TBR1: variants seen among roughly 807,000 people sequenced by gnomAD.
TBR1 encodes the protein T-box brain protein 1.
A neutral mutation model predicts 60.3 loss-of-function variants in TBR1; 7 were observed. That is an observed-to-expected ratio of 0.12 (90% CI 0.07 to 0.22). The LOEUF is 0.22. Among genes scored for constraint, TBR1 ranks in the 10% least tolerant of loss-of-function variants. TBR1 has a pLI of 1.00. For synonymous variants in TBR1, 417 were observed against 409.9 expected, an observed-to-expected ratio of 1.02 and a Z score of -0.21; for missense variants, 616 against 936.8, an observed-to-expected ratio of 0.66 and a Z score of 4.47.
rs1684267118 is a variant in TBR1, at chr2:161,423,481, C to G, written c.1303C>G (p.Gln435Glu). The change falls in exon 6 of 6, where the codon CAG (glutamine) becomes GAG (glutamate). Residue 435 changes from glutamine (Q) to glutamate (E), a missense_variant. By Grantham distance (29) the Gln-to-Glu change is conservative. Coordinates refer to ENST00000389554, the MANE Select transcript of TBR1 (RefSeq NM_006593.4). ...YAMAGSFLQD[Q>E]FVSNYAKARF... Reference sequence around the variant, plus strand: ...CATGGCCGGCTCTTTCCTGCAGGACCAGTTCGTGAGCAACTACGCCAAGGC... The same window carrying G: ...CATGGCCGGCTCTTTCCTGCAGGACGAGTTCGTGAGCAACTACGCCAAGGC... 6.2e-7 allele frequency: 1 copy of G among 1,606,934 alleles called. No homozygotes were observed. The highest frequency in any genetic ancestry group is 1.7e-5 in the Admixed American group (1 of 59,470).
intron 5 of TBR1, chr2:161,422,721 A>G (rs577163662): frequency 6.6e-6 from 1 of 152,364 alleles, no homozygotes; most frequent in African/African-American, 2.4e-5. Flanking sequence ...ACACAGGGGA[A>G]ACAATAGACA....
At chr2:161,423,343 T>G (rs780567397) in intron 5 of TBR1, 26 bp from the exon 6 acceptor site, 17 of 865,918 alleles carry the variant, frequency 2.0e-5, no homozygotes, top group East Asian at 9.4e-5. Flanking sequence ...CCCTCGGCTC[T>G]CTCTCTCTCT....
At chr2:161,423,314 CAAGGGACCTCCGCGCCA>C in intron 5 of TBR1, 38 bp from the exon 6 acceptor site, 1 of 1,175,014 alleles carries the variant, frequency 8.5e-7, no homozygotes, top group African/African-American at 1.6e-5. Context: ...ACCCCCACCC[CAAGGGACCTCCGCGCCA>C]CCCCTCGGCT....
chr2:161,419,149 C>T (rs1684184848), intron 4 of TBR1, 99 bp downstream of exon 4: 1 of 1,557,252 alleles, frequency 6.4e-7, no homozygotes, highest in Non-Finnish European at 8.7e-7. Context: ...ACTAGCAGCG[C>T]TAACATCAGC....
intron 5 of TBR1, chr2:161,421,871 G>A (rs995673545): frequency 1.3e-5 from 2 of 151,718 alleles, no homozygotes; most frequent in Non-Finnish European, 2.9e-5. Context: ...GCTGCCTTCT[G>A]TTGGAAAAGC....
rs1441557828 is a variant in TBR1 at position 161,424,692 on chromosome 2, G to A, written c.*465G>A. The A allele has an allele frequency of 1.3e-5, 2 of 156,190 alleles. No homozygotes were observed. The highest frequency in any genetic ancestry group is 4.8e-5 in the African/African-American group (2 of 41,514). 9.7% of individuals were successfully genotyped at this position (156,190 alleles called of 1,614,324 possible). On this transcript the variant is annotated 3_prime_UTR_variant, in exon 6 of 6. Coordinates refer to ENST00000389554, the MANE Select transcript of TBR1 (RefSeq NM_006593.4). The surrounding 1 kb of genome is among the most constrained non-coding windows in gnomAD (Gnocchi z 4.4). ...ACCCAGCGCGTCCTTTCTTATCCCCGAGTGGATGGATGGATGGATGGATGG... is the reference window on the plus strand; with the variant it reads ...ACCCAGCGCGTCCTTTCTTATCCCCAAGTGGATGGATGGATGGATGGATGG...
At chr2:161,418,067 T>C in intron 2 of TBR1, 134 bp from the exon 3 acceptor site, 1 of 1,467,938 alleles carries the variant, frequency 6.8e-7, no homozygotes, top group Non-Finnish European at 9.0e-7. Flanking sequence ...CCCCAGTTAA[T>C]GGGCTTCATG....
chr2:161,416,668 C>A lies in TBR1; in HGVS notation c.258C>A (p.Val86=). ...TCCAGAGAAGTAAACTCTCTCCTGT[C>A]TTGGACGGGGTCTCTGAGCTTCGTC... The part of the protein sequence containing the change: ...GDVQRSKLSP[V]LDGVSELRHS... Residue 86 remains valine (V), a synonymous_variant, in exon 1 of 6, where the codon GTC becomes GTA. Coordinates refer to ENST00000389554, the MANE Select transcript of TBR1 (RefSeq NM_006593.4). The surrounding 1 kb of genome is among the most constrained non-coding windows in gnomAD (Gnocchi z 6.1). 1 of 1,614,216 alleles carries A rather than the reference C, an allele frequency of 6.2e-7. No homozygotes were observed. Among genetic ancestry groups the A allele is most frequent in the African/African-American group, 1.3e-5 (1 of 75,058 alleles).
In TBR1 at chr2:161,418,953, A is replaced by C; in HGVS notation, c.1031A>C (p.Glu344Ala). The C allele has an allele frequency of 6.2e-7, 1 of 1,614,232 alleles. No homozygotes were observed. Among genetic ancestry groups the C allele is most frequent in the Non-Finnish European group, 8.5e-7 (1 of 1,180,036 alleles). ...QPRLHVVEVN[E>A]DGTEDTSQPG... The stretch of plus-strand genomic sequence containing the variant: ...CGCCTGCATGTGGTGGAAGTGAACG[A>C]GGACGGCACGGAGGACACTAGCCAG... The change falls in exon 4 of 6, where the codon GAG (glutamate) becomes GCG (alanine). Residue 344 changes from glutamate to alanine, a missense_variant. Coordinates refer to ENST00000389554, the MANE Select transcript of TBR1 (RefSeq NM_006593.4).
Position 161,420,219 on chromosome 2 carries a change from C to T in TBR1, c.1152C>T (p.His384=). 6.2e-7 allele frequency: 1 copy of T among 1,613,468 alleles called. No homozygotes were observed. Among genetic ancestry groups the T allele is most frequent in the African/African-American group, 1.3e-5 (1 of 75,000 alleles). ...NTDITQLKID[H]NPFAKGFRDN... is the part of the protein sequence containing the mutation. ...AGATTACACAACTGAAAATAGATCACAACCCTTTTGCAAAAGGATTTCGGG... is the reference window on the plus strand; with the variant it reads ...AGATTACACAACTGAAAATAGATCATAACCCTTTTGCAAAAGGATTTCGGG... The change falls in exon 5 of 6, where the codon CAC becomes CAT. Residue 384 remains histidine, a synonymous_variant. Transcript: ENST00000389554.
At chr2:161,421,376 C>G (rs567960574) in intron 5 of TBR1, 4 of 152,312 alleles carry the variant, frequency 2.6e-5, no homozygotes, top group South Asian at 4.1e-4. Flanking sequence ...CTGCCTATAA[C>G]CACCATATAT....
At position 161,425,474 on chromosome 2, in the gene TBR1, T is replaced by C. The variant is rs1684305154; in HGVS notation, c.*1247T>C. The C allele has an allele frequency of 6.6e-6, 1 of 152,220 alleles. No individual in the cohort carries two copies. The highest frequency in any genetic ancestry group is 1.5e-5 in the Non-Finnish European group (1 of 68,030). 9.4% of individuals were successfully genotyped at this position (152,220 alleles called of 1,614,324 possible). On this transcript the variant is annotated 3_prime_UTR_variant, in exon 6 of 6. Transcript: ENST00000389554. Reference sequence around the variant, plus strand: ...AAATTTGACTTCCTTGGGAGAACACTAGCATTAATGCAAGTAAGACTGATT... The same window carrying C: ...AAATTTGACTTCCTTGGGAGAACACCAGCATTAATGCAAGTAAGACTGATT...
chr2:161,423,335 C>T, intron 5 of TBR1, 34 bp from the exon 6 acceptor site: 1 of 1,360,466 alleles, frequency 7.4e-7, no homozygotes, highest in African/African-American at 1.5e-5. Context: ...CGCGCCACCC[C>T]TCGGCTCTCT....
chr2:161,418,725 CCCAG>C, intron 3 of TBR1, 163 bp from the exon 4 acceptor site: 4 of 968,956 alleles, frequency 4.1e-6, no homozygotes, highest in Non-Finnish European at 5.9e-6. Context: ...GCCGGTCTGC[CCCAG>C]CCAGCCAGCC....
intron 5 of TBR1, chr2:161,421,644 T>A (rs900582799): frequency 5.9e-5 from 9 of 152,254 alleles, no homozygotes; most frequent in Non-Finnish European, 1.3e-4. Context: ...TGGATAGGCA[T>A]CTAAACTGTA....
In TBR1 at chr2:161,424,293, C is replaced by T. The variant is rs757490749; in HGVS notation, c.*66C>T. The T allele has an allele frequency of 1.0e-3, 1,451 of 1,457,936 alleles. 4 individuals are homozygous for T. Among genetic ancestry groups the T allele is most frequent in the Non-Finnish European group, 1.3e-3 (1,364 of 1,088,074 alleles). The allele number at this position is 1,457,936 out of a possible 1,614,324, so 90.3% of individuals were successfully genotyped here. A position where few individuals can be genotyped will look rare whatever the true frequency, so the allele number is the denominator to read the frequency against. On this transcript the variant is annotated 3_prime_UTR_variant, in exon 6 of 6. Transcript: ENST00000389554. This position sits in a 1 kb window ranked among gnomAD's most constrained non-coding sequence, Gnocchi z 4.4. Reference sequence around the variant, plus strand: ...CAGCCAGCCCCTCACAGCTCTTCCCCAGCTCCGCCTCCCCACACTCCTCCT... The same window carrying T: ...CAGCCAGCCCCTCACAGCTCTTCCCTAGCTCCGCCTCCCCACACTCCTCCT...
At chr2:161,418,689 T>C in intron 3 of TBR1, 1 of 696,170 alleles carries the variant, frequency 1.4e-6, no homozygotes, top group South Asian at 2.1e-5. Flanking sequence ...GTGCCCCGGC[T>C]TATCTTCGCT....
Position 161,423,585 on chromosome 2 carries a change from G to A in TBR1, c.1407G>A (p.Ser469=), listed in dbSNP as rs746876268. ...TGCCGCACACCAACGGGCTGCTGTC[G>A]CCGCAGCAGGCCGAGGACCCGGGCG... The part of the protein sequence containing the change: ...RSVPHTNGLL[S]PQQAEDPGAP... Residue 469 remains serine, a synonymous_variant, in exon 6 of 6, where the codon TCG becomes TCA. Coordinates refer to ENST00000389554, the MANE Select transcript of TBR1 (RefSeq NM_006593.4). 2 of 1,537,612 alleles carry A rather than the reference G, an allele frequency of 1.3e-6. No homozygotes were observed. Among genetic ancestry groups the A allele is most frequent in the Admixed American group, 2.0e-5 (1 of 51,150 alleles).
At chr2:161,419,112 C>A (rs1684184177) in intron 4 of TBR1, 62 bp downstream of exon 4, 2 of 1,607,470 alleles carry the variant, frequency 1.2e-6, no homozygotes, top group African/African-American at 2.7e-5. Context: ...CACCCTCTCA[C>A]ATTCTCCCGC....
Sources: allele counts gnomAD v4.1 joint callset, GRCh38; gene constraint gnomAD v4.1.1; non-coding constraint Gnocchi (gnomAD v3.1); transcripts MANE v1.5; gene names NCBI Gene and HGNC (gene_info 2026-07-23, HGNC 2026-07-21).